The following PEX5L variants were observed in gnomAD, a reference collection of about 807,000 sequenced individuals.
PEX5L encodes the protein peroxisomal biogenesis factor 5 like.
PEX5L carries 30 observed loss-of-function variants against 84.0 expected under a neutral mutation model. The ratio of observed to expected loss-of-function variants is 0.36; its 90% CI spans 0.27 to 0.48. The LOEUF (loss-of-function observed/expected upper bound fraction) is 0.48. PEX5L is among the 20% of genes least tolerant of loss of function. The probability of loss-of-function intolerance (pLI) is 0.99; values close to 1 mark genes in which losing one functional copy is unlikely to be tolerated. For synonymous variants in PEX5L, 270 were observed against 283.1 expected, an observed-to-expected ratio of 0.95 and a Z score of 0.46; for missense variants, 533 against 754.6, an observed-to-expected ratio of 0.71 and a Z score of 3.44.
At chr3:179,849,361 A>G (rs938245779) in intron 8 of PEX5L, among the ~76,000 whole-genome samples, 3 of 152,228 alleles carry the variant, frequency 2.0e-5, no homozygotes, top group Non-Finnish European at 4.4e-5. Flanking sequence ...TAAATGCACA[A>G]TTATTAAAAT....
At chr3:179,916,671 AC>A (rs34937319) in intron 2 of PEX5L, among the ~76,000 whole-genome samples, 43 of 151,340 alleles carry the variant, frequency 2.8e-4, no homozygotes, top group Admixed American at 5.9e-4. Context: ...TAAATTAACC[AC>A]CCCCCCTTTG....
At chr3:179,811,727 A>G (rs571117806) in intron 11 of PEX5L, 74 bp downstream of exon 11, 1 of 1,117,050 alleles carries the variant, frequency 9.0e-7, no homozygotes, top group Non-Finnish European at 1.4e-6. Flanking sequence ...TAAAGATCAA[A>G]AGACAAATCT....
rs1390084682 is a variant in PEX5L at position 179,796,259 on chromosome 3, C to G, written c.*5569G>C. On this transcript the variant is annotated 3_prime_UTR_variant, in exon 15 of 15. Coordinates refer to ENST00000467460, the MANE Select transcript of PEX5L (RefSeq NM_016559.3). ...GCCTAATTGTTGTTGTTGTTTCCAT[C>G]TTAATATTATTTTGAGTGCAGGCTT... is the stretch of plus-strand genomic sequence containing the variant. 1 of 151,922 alleles carries G rather than the reference C, an allele frequency of 6.6e-6. No homozygotes were observed. The highest frequency in any genetic ancestry group is 1.5e-5 in the Non-Finnish European group (1 of 67,990). The allele number at this position is 151,922 out of a possible 1,614,324, so 9.4% of individuals were successfully genotyped here.
At chr3:179,985,614 A>G (rs1786741404) in intron 1 of PEX5L, among the ~76,000 whole-genome samples, 1 of 152,028 alleles carries the variant, frequency 6.6e-6, no homozygotes, top group Admixed American at 6.6e-5. Flanking sequence ...GGAGCCATAT[A>G]AAAACCCTTG....
intron 1 of PEX5L, among the ~76,000 whole-genome samples, chr3:180,014,345 G>C (rs1001377535): frequency 3.9e-5 from 6 of 152,060 alleles, no homozygotes; most frequent in Admixed American, 3.9e-4. Flanking sequence ...GGTGGCGGGC[G>C]CCTGGAGTCC....
intron 2 of PEX5L, among the ~76,000 whole-genome samples, chr3:179,933,844 T>C (rs765421960): frequency 3.9e-5 from 6 of 152,234 alleles, no homozygotes; most frequent in African/African-American, 9.6e-5. Context: ...AATTTGCTTG[T>C]AGGTGGTGCT....
rs189072001 is a variant in PEX5L at position 179,979,891 on chromosome 3, C to T, written c.22-8226G>A. Among the ~76,000 whole-genome samples the T allele has an allele frequency of 3.0e-3, 458 of 152,230 alleles. 2 individuals are homozygous for T. The highest frequency in any genetic ancestry group is 0.01 in the African/African-American group (435 of 41,554). On this transcript the variant is annotated intron_variant, in intron 1 of 14. Transcript: ENST00000467460. ...GTGTACTTATCATTGGCTTTTCCAGCGACTCCTCTTCCTTCTCACTGGCAG... is the reference window on the plus strand; with the variant it reads ...GTGTACTTATCATTGGCTTTTCCAGTGACTCCTCTTCCTTCTCACTGGCAG...
chr3:179,966,393 C>A (rs2110170430), intron 2 of PEX5L, among the ~76,000 whole-genome samples: 1 of 152,256 alleles, frequency 6.6e-6, no homozygotes. Flanking sequence ...TAAATGGGAT[C>A]TGAATTACAT....
intron 2 of PEX5L, among the ~76,000 whole-genome samples, chr3:179,968,486 T>A (rs1422955195): frequency 6.6e-6 from 1 of 152,182 alleles, no homozygotes; most frequent in Admixed American, 6.6e-5. Context: ...TTAAAATTTA[T>A]CTTTTAATAT....
intron 2 of PEX5L, among the ~76,000 whole-genome samples, chr3:179,928,415 G>C (rs1772088487): frequency 6.6e-6 from 1 of 152,164 alleles, no homozygotes. Flanking sequence ...TTTACAAATG[G>C]CTGAGGGTGG....
rs1339023290 is a variant in PEX5L at position 179,860,120 on chromosome 3, G to GT, written c.727-964dup. Among the ~76,000 whole-genome samples, 188 of 124,604 alleles carry GT rather than the reference G, an allele frequency of 1.5e-3. 2 individuals are homozygous for GT. The highest frequency in any genetic ancestry group is 4.7e-3 in the South Asian group (19 of 4,084). 81.7% of individuals were successfully genotyped at this position (124,604 alleles called of 152,430 possible). ...TTTACCTTGGAGAGTTTCCATTTTT[G>GT]TTTTTTGTTTTTTTTGGTCAACCTC... On this transcript the variant is annotated intron_variant, in intron 7 of 14. Coordinates refer to ENST00000467460, the MANE Select transcript of PEX5L (RefSeq NM_016559.3).
intron 1 of PEX5L, among the ~76,000 whole-genome samples, chr3:179,994,559 G>A (rs138769740): frequency 6.6e-6 from 1 of 152,300 alleles, no homozygotes; most frequent in Non-Finnish European, 1.5e-5. Context: ...GGGCCAGAGG[G>A]GCTGGGCAAG....
chr3:179,916,929 T>C (rs187570822), intron 2 of PEX5L, among the ~76,000 whole-genome samples: 1 of 151,622 alleles, frequency 6.6e-6, no homozygotes, highest in African/African-American at 2.4e-5. Context: ...CTCGGCCTCC[T>C]AAAGTGCTGG....
Position 179,800,714 on chromosome 3 carries a change from C to T in PEX5L, c.*1114G>A, listed in dbSNP as rs1203471833. 1 of 152,084 alleles carries T rather than the reference C, an allele frequency of 6.6e-6. No homozygotes were observed. Among genetic ancestry groups the T allele is most frequent in the African/African-American group, 2.4e-5 (1 of 41,402 alleles). 9.4% of individuals were successfully genotyped at this position (152,084 alleles called of 1,614,324 possible). A position where few individuals can be genotyped will look rare whatever the true frequency, so the allele number is the denominator to read the frequency against. On this transcript the variant is annotated 3_prime_UTR_variant, in exon 15 of 15. Transcript: ENST00000467460. ...ATCACTTAGAATGCAAGGGGATGAA[C>T]AGTGCAGATTATTATGAAACTAAGA...
chr3:179,883,922 C>T (rs1214069455), intron 4 of PEX5L, among the ~76,000 whole-genome samples: 1 of 152,160 alleles, frequency 6.6e-6, no homozygotes, highest in Non-Finnish European at 1.5e-5. Context: ...ATATTTATCG[C>T]TACTAGAAGA....
At chr3:180,033,631 A>G (rs529948647) in intron 1 of PEX5L, among the ~76,000 whole-genome samples, 2 of 152,368 alleles carry the variant, frequency 1.3e-5, no homozygotes, top group African/African-American at 2.4e-5. Flanking sequence ...AATTAAGACC[A>G]TAGGCCCTCA....
chr3:179,923,566 C>T (rs939964722), intron 2 of PEX5L, among the ~76,000 whole-genome samples: 2 of 152,176 alleles, frequency 1.3e-5, no homozygotes, highest in African/African-American at 4.8e-5. Flanking sequence ...AGCTGTGTTT[C>T]AATAACCCCT....
In PEX5L at chr3:179,800,948, T is replaced by C. The variant is rs1037425380; in HGVS notation, c.*880A>G. On this transcript the variant is annotated 3_prime_UTR_variant, in exon 15 of 15. Coordinates refer to ENST00000467460, the MANE Select transcript of PEX5L (RefSeq NM_016559.3). ...GAAGAGACAGTACCTTGTGTCTTACTTATGTTCATACAGACCCAGAAAGCA... is the reference window on the plus strand; with the variant it reads ...GAAGAGACAGTACCTTGTGTCTTACCTATGTTCATACAGACCCAGAAAGCA... 3.3e-5 allele frequency: 5 copies of C among 152,532 alleles called. No individual in the cohort carries two copies. The highest frequency in any genetic ancestry group is 6.5e-5 in the Admixed American group (1 of 15,288). The allele number at this position is 152,532 out of a possible 1,614,324, so 9.4% of individuals were successfully genotyped here. A position where few individuals can be genotyped will look rare whatever the true frequency, so the allele number is the denominator to read the frequency against.
intron 1 of PEX5L, among the ~76,000 whole-genome samples, chr3:179,996,814 T>A (rs1787931023): frequency 6.6e-6 from 1 of 152,216 alleles, no homozygotes; most frequent in South Asian, 2.1e-4. Flanking sequence ...TGGGCGTAGC[T>A]ACTGTAATGG....
Sources: allele counts gnomAD v4.1 joint callset (sites outside exome capture counted in the v4.1 genomes callset), GRCh38; gene constraint gnomAD v4.1.1; transcripts MANE v1.5; gene names NCBI Gene and HGNC (gene_info 2026-07-23, HGNC 2026-07-21).